ARMH4: variants seen among roughly 807,000 people sequenced by gnomAD.
ARMH4 encodes the protein armadillo like helical domain containing 4, also known as armadillo-like helical domain-containing protein 4.
A neutral mutation model predicts 61.9 loss-of-function variants in ARMH4; 49 were observed. The ratio of observed to expected loss-of-function variants is 0.79; its 90% CI spans 0.63 to 1.00. ARMH4 has a LOEUF of 1.00. ARMH4 is among the 50% of genes least tolerant of loss of function. ARMH4 has a pLI of 0.00. For missense variants in ARMH4, 934 were observed against 930.0 expected (o/e 1.00, Z -0.06); for synonymous variants, 368 against 341.5 (o/e 1.08, Z -0.85).
chr14:58,088,853 C>T lies in ARMH4; in HGVS notation c.2089+7871G>A, dbSNP rs114098654. On this transcript the variant is annotated intron_variant, in intron 5 of 7. Coordinates refer to ENST00000267485, the MANE Select transcript of ARMH4 (RefSeq NM_001001872.4). ...TCATTAAAAGTAATGTACATTTTTG[C>T]TCATGGGGATTCCATTCACAATGTA... Among the ~76,000 whole-genome samples the T allele has an allele frequency of 2.3e-3, 347 of 152,232 alleles. 1 individual carries two copies. Among genetic ancestry groups the T allele is most frequent in the African/African-American group, 8.0e-3 (331 of 41,534 alleles).
At chr14:58,141,831 C>T (rs1302146611) in intron 1 of ARMH4, among the ~76,000 whole-genome samples, 1 of 152,090 alleles carries the variant, frequency 6.6e-6, no homozygotes, top group African/African-American at 2.4e-5. Flanking sequence ...ATAAAAGTTA[C>T]AGGCAAAACA....
intron 5 of ARMH4, among the ~76,000 whole-genome samples, chr14:58,058,552 G>A (rs747273720): frequency 2.0e-4 from 31 of 152,154 alleles, no homozygotes; most frequent in Non-Finnish European, 3.8e-4. Context: ...CCTTTTTAGA[G>A]CATACGGGGT....
At chr14:58,113,640 T>C (rs1886423554) in intron 4 of ARMH4, among the ~76,000 whole-genome samples, 1 of 152,090 alleles carries the variant, frequency 6.6e-6, no homozygotes, top group African/African-American at 2.4e-5. Context: ...TCTGATTAGA[T>C]AAGTGAGAAG....
chr14:58,136,652 G>A (rs73293576), intron 2 of ARMH4, among the ~76,000 whole-genome samples: 10,491 of 152,148 alleles, frequency 0.069, 466 homozygotes, highest in Middle Eastern at 0.14. Context: ...TGGGCTACTT[G>A]GCTGAAGTAA....
intron 5 of ARMH4, among the ~76,000 whole-genome samples, chr14:58,088,341 A>ATCC (rs1417946077): frequency 1.9e-4 from 29 of 152,270 alleles, no homozygotes; most frequent in African/African-American, 6.0e-4. Context: ...CTTAAAAGGC[A>ATCC]TCCTCTTATG....
intron 1 of ARMH4, among the ~76,000 whole-genome samples, chr14:58,142,732 A>G (rs1887607149): frequency 6.6e-6 from 1 of 152,018 alleles, no homozygotes. Context: ...TCAGCCTCCC[A>G]AAGTGCTGAA....
chr14:58,123,242 C>G (rs1190727944), intron 4 of ARMH4, among the ~76,000 whole-genome samples: 1 of 152,168 alleles, frequency 6.6e-6, no homozygotes, highest in Non-Finnish European at 1.5e-5. Flanking sequence ...AAGGAACACC[C>G]ATTTGTTATC....
chr14:58,107,438 T>C (rs1944988474), intron 4 of ARMH4, among the ~76,000 whole-genome samples: 1 of 152,208 alleles, frequency 6.6e-6, no homozygotes, highest in Non-Finnish European at 1.5e-5. Context: ...TGGCTTTTTC[T>C]TCCCTTTACT....
chr14:58,151,384 C>G (rs934435228), intron 1 of ARMH4, among the ~76,000 whole-genome samples: 1 of 152,134 alleles, frequency 6.6e-6, no homozygotes, highest in Non-Finnish European at 1.5e-5. Context: ...CCCAACTATT[C>G]CGGAGTCTCA....
chr14:58,012,069 A>G, intron 6 of ARMH4, 50 bp downstream of exon 6: 1 of 1,283,314 alleles, frequency 7.8e-7, no homozygotes, highest in Non-Finnish European at 1.1e-6. Flanking sequence ...TTGCTTAATA[A>G]AGCTATATGC....
intron 4 of ARMH4, among the ~76,000 whole-genome samples, chr14:58,128,278 C>T (rs1886967665): frequency 6.6e-6 from 1 of 152,002 alleles, no homozygotes; most frequent in Non-Finnish European, 1.5e-5. Flanking sequence ...CATTTTAGAG[C>T]AGGAAAGACA....
intron 5 of ARMH4, among the ~76,000 whole-genome samples, chr14:58,071,028 A>T (rs992682990): frequency 1.3e-5 from 2 of 151,960 alleles, no homozygotes; most frequent in Non-Finnish European, 2.9e-5. Flanking sequence ...TATTCTAAGA[A>T]AAATGGTTAT....
chr14:58,067,719 C>A (rs1372411484), intron 5 of ARMH4, among the ~76,000 whole-genome samples: 1 of 152,038 alleles, frequency 6.6e-6, no homozygotes, highest in Admixed American at 6.6e-5. Flanking sequence ...AGCTTCATAG[C>A]CAGAATAAAC....
chr14:58,014,986 G>A (rs1187650462), intron 5 of ARMH4, among the ~76,000 whole-genome samples: 2 of 152,182 alleles, frequency 1.3e-5, no homozygotes, highest in Non-Finnish European at 2.9e-5. Flanking sequence ...GCAAGATGGT[G>A]CAGAATAGGG....
intron 4 of ARMH4, among the ~76,000 whole-genome samples, chr14:58,106,552 T>C (rs1886171497): frequency 6.6e-6 from 1 of 152,220 alleles, no homozygotes; most frequent in South Asian, 2.1e-4. Context: ...AGAAATGTCC[T>C]GTTGCAAGTG....
At chr14:58,129,810 A>G (rs1171253103) in intron 4 of ARMH4, among the ~76,000 whole-genome samples, 1 of 152,230 alleles carries the variant, frequency 6.6e-6, no homozygotes, top group Non-Finnish European at 1.5e-5. Flanking sequence ...TCAAAATCCT[A>G]AGCCCGACAA....
intron 4 of ARMH4, among the ~76,000 whole-genome samples, chr14:58,113,312 C>G (rs979402315): frequency 6.6e-6 from 1 of 152,156 alleles, no homozygotes; most frequent in Non-Finnish European, 1.5e-5. Context: ...ATATTTAGCA[C>G]CATGTAGTTT....
chr14:58,032,816 T>G (rs561253918), intron 5 of ARMH4, among the ~76,000 whole-genome samples: 1 of 152,132 alleles, frequency 6.6e-6, no homozygotes, highest in Non-Finnish European at 1.5e-5. Flanking sequence ...ATCAGGTCAC[T>G]CCCACCTGAA....
chr14:58,041,664 G>A (rs10135638), intron 5 of ARMH4, among the ~76,000 whole-genome samples: 1 of 151,844 alleles, frequency 6.6e-6, no homozygotes, highest in Non-Finnish European at 1.5e-5. Flanking sequence ...TGGATAAAGA[G>A]TCAAGACCCA....
Sources: allele counts gnomAD v4.1 joint callset (sites outside exome capture counted in the v4.1 genomes callset), GRCh38; gene constraint gnomAD v4.1.1; transcripts MANE v1.5; gene names NCBI Gene and HGNC (gene_info 2026-07-23, HGNC 2026-07-21).